FTO: variants seen among roughly 807,000 people sequenced by gnomAD.
The protein encoded by FTO is FTO alpha-ketoglutarate dependent dioxygenase.
FTO carries 47 observed loss-of-function variants against 63.9 expected under a neutral mutation model. The ratio of observed to expected loss-of-function variants is 0.74; its 90% CI spans 0.58 to 0.94. The LOEUF is 0.94. Ranked by LOEUF, FTO falls within the 40% of genes least tolerant of loss-of-function variation. The probability of loss-of-function intolerance (pLI) is 0.00; values close to 1 mark genes in which losing one functional copy is unlikely to be tolerated. For missense variants in FTO, 562 were observed against 618.1 expected (o/e 0.91, Z 0.96); for synonymous variants, 207 against 224.4 (o/e 0.92, Z 0.69).
chr16:54,011,977 G>A (rs554992278), intron 8 of FTO, among the ~76,000 whole-genome samples: 19 of 152,144 alleles, frequency 1.2e-4, no homozygotes, highest in Middle Eastern at 3.4e-3. Context: ...AAGTTATAGC[G>A]TCCTCCAAGT....
At chr16:53,726,062 C>T (rs2151499271) in intron 1 of FTO, among the ~76,000 whole-genome samples, 1 of 152,278 alleles carries the variant, frequency 6.6e-6, no homozygotes, top group South Asian at 2.1e-4. Flanking sequence ...TTAATACAAT[C>T]ATGTATTTCT....
chr16:53,971,576 G>A (rs2083317991), intron 8 of FTO, among the ~76,000 whole-genome samples: 1 of 152,164 alleles, frequency 6.6e-6, no homozygotes, highest in Non-Finnish European at 1.5e-5. Context: ...ATTTTGTGGA[G>A]GTTTTGTTTG....
chr16:53,792,589 T>C (rs1390906095), intron 1 of FTO, among the ~76,000 whole-genome samples: 1 of 152,210 alleles, frequency 6.6e-6, no homozygotes, highest in Non-Finnish European at 1.5e-5. Flanking sequence ...ATCCTGCTGA[T>C]CTCAAGTGTT....
intron 4 of FTO, among the ~76,000 whole-genome samples, chr16:53,871,925 C>T (rs2080509947): frequency 6.6e-6 from 1 of 152,040 alleles, no homozygotes; most frequent in South Asian, 2.1e-4. Context: ...CAGGGTTTCA[C>T]CATGTTGGCC....
intron 8 of FTO, among the ~76,000 whole-genome samples, chr16:53,962,450 G>A (rs1034288722): frequency 6.6e-6 from 1 of 152,094 alleles, no homozygotes; most frequent in Non-Finnish European, 1.5e-5. Context: ...CTCCCTACTA[G>A]GAAACAGTAG....
At chr16:53,754,144 T>C (rs1484584495) in intron 1 of FTO, among the ~76,000 whole-genome samples, 1 of 152,178 alleles carries the variant, frequency 6.6e-6, no homozygotes, top group East Asian at 1.9e-4. Flanking sequence ...TTAAATGATG[T>C]AAACCCATCC....
intron 8 of FTO, among the ~76,000 whole-genome samples, chr16:54,032,776 T>G (rs2084860890): frequency 6.6e-6 from 1 of 152,066 alleles, no homozygotes; most frequent in Non-Finnish European, 1.5e-5. Context: ...TTGTTGGAGG[T>G]AGGGTTTGGT....
At chr16:53,883,394 G>A (rs966028751) in intron 6 of FTO, among the ~76,000 whole-genome samples, 1 of 152,084 alleles carries the variant, frequency 6.6e-6, no homozygotes, top group African/African-American at 2.4e-5. Flanking sequence ...GGCCGAGGCG[G>A]TGGATCACCT....
intron 1 of FTO, among the ~76,000 whole-genome samples, chr16:53,768,837 C>T (rs1281353742): frequency 6.6e-6 from 1 of 152,076 alleles, no homozygotes; most frequent in Non-Finnish European, 1.5e-5. Context: ...CTTGGAATTC[C>T]TCCTCAAGTG....
intron 8 of FTO, among the ~76,000 whole-genome samples, chr16:53,959,453 G>A (rs935870531): frequency 6.6e-6 from 1 of 152,136 alleles, no homozygotes; most frequent in African/African-American, 2.4e-5. Flanking sequence ...GGAACATCCT[G>A]TTACTGATGT....
rs182045835 is a variant in FTO, at chr16:53,955,136, T to G, written c.1364+21027T>G. ...CCATTGGAGTCTAGCATTGACCATA[T>G]GGGTCCTTAATTTGTATCTGAGTAT... On this transcript the variant is annotated intron_variant, in intron 8 of 8. Transcript: ENST00000471389. Among the ~76,000 whole-genome samples the G allele has an allele frequency of 1.7e-3, 263 of 152,294 alleles. 1 individual carries two copies. Among genetic ancestry groups the G allele is most frequent in the Non-Finnish European group, 9.8e-4 (67 of 68,036 alleles).
chr16:54,035,639 G>C (rs1034769824), intron 8 of FTO, among the ~76,000 whole-genome samples: 5 of 152,176 alleles, frequency 3.3e-5, no homozygotes, highest in Admixed American at 6.5e-5. Context: ...CTTAATTGTA[G>C]ATCATTGTCC....
intron 3 of FTO, among the ~76,000 whole-genome samples, chr16:53,840,924 G>A (rs2079455561): frequency 6.6e-6 from 1 of 151,692 alleles, no homozygotes; most frequent in Non-Finnish European, 1.5e-5. Flanking sequence ...TTATCAGTTG[G>A]CAACTCATTT....
intron 8 of FTO, among the ~76,000 whole-genome samples, chr16:54,035,631 T>A (rs1412037191): frequency 6.6e-6 from 1 of 152,180 alleles, no homozygotes; most frequent in Non-Finnish European, 1.5e-5. Context: ...GGAGAACACT[T>A]AATTGTAGAT....
chr16:53,944,949 G>A (rs2082620671), intron 8 of FTO, among the ~76,000 whole-genome samples: 1 of 152,132 alleles, frequency 6.6e-6, no homozygotes, highest in Non-Finnish European at 1.5e-5. Flanking sequence ...ATTGGTGCAG[G>A]GAAGAACACT....
At chr16:53,800,952 G>T (rs1163185680) in intron 1 of FTO, among the ~76,000 whole-genome samples, 1 of 151,786 alleles carries the variant, frequency 6.6e-6, no homozygotes, top group African/African-American at 2.4e-5. Context: ...ACAATGTCTT[G>T]TCCATCCTTT....
intron 4 of FTO, among the ~76,000 whole-genome samples, chr16:53,867,726 T>C (rs1231753007): frequency 6.6e-6 from 1 of 152,154 alleles, no homozygotes; most frequent in Non-Finnish European, 1.5e-5. Context: ...ACTGATGGTA[T>C]TGCTCAGTTC....
intron 8 of FTO, among the ~76,000 whole-genome samples, chr16:54,104,508 T>G (rs1368338605): frequency 6.6e-6 from 1 of 152,112 alleles, no homozygotes; most frequent in Non-Finnish European, 1.5e-5. Flanking sequence ...AGACAGGGTT[T>G]CACCACATTG....
chr16:53,800,171 G>A (rs889221125), intron 1 of FTO, among the ~76,000 whole-genome samples: 26 of 151,868 alleles, frequency 1.7e-4, no homozygotes, highest in African/African-American at 6.0e-4. Context: ...TAGTTTAGGT[G>A]CATCCTACAA....
Sources: gnomAD v4.1 joint callset for allele counts (sites outside exome capture counted in the v4.1 genomes callset) on GRCh38, gnomAD v4.1.1 for gene constraint, MANE v1.5 for transcripts, NCBI Gene and HGNC (gene_info 2026-07-23, HGNC 2026-07-21) for gene names.